Variants in ITGA9 observed in about 807,000 individuals in gnomAD.
ITGA9 encodes integrin alpha-9.
ITGA9 carries 56 observed loss-of-function variants against 127.8 expected under a neutral mutation model. That is an observed-to-expected ratio of 0.44 (90% confidence interval 0.35 to 0.55). The LOEUF (loss-of-function observed/expected upper bound fraction) is 0.55. Ranked by LOEUF, ITGA9 falls within the 20% of genes least tolerant of loss-of-function variation. The pLI, the probability that ITGA9 is intolerant of heterozygous loss-of-function variation, is 0.00. For synonymous variants in ITGA9, 508 were observed against 514.5 expected (o/e 0.99, Z 0.17); for missense variants, 1,196 against 1,347.1 (o/e 0.89, Z 1.76).
intron 3 of ITGA9, among the ~76,000 whole-genome samples, chr3:37,480,573 T>C (rs1698542493): frequency 6.6e-6 from 1 of 152,236 alleles, no homozygotes; most frequent in Admixed American, 6.5e-5. Context: ...GACATGAGTG[T>C]GTACATTTGT....
intron 1 of ITGA9, among the ~76,000 whole-genome samples, chr3:37,455,250 A>G (rs1163456008): frequency 1.3e-5 from 2 of 152,148 alleles, no homozygotes; most frequent in Non-Finnish European, 2.9e-5. Context: ...GTCATTTTCA[A>G]TTATTCGTGA....
chr3:37,643,433 A>G (rs989241634), intron 16 of ITGA9, among the ~76,000 whole-genome samples: 2 of 152,206 alleles, frequency 1.3e-5, no homozygotes, highest in Non-Finnish European at 2.9e-5. Context: ...GAGGGGACTC[A>G]TCAAAGGTTA....
intron 1 of ITGA9, among the ~76,000 whole-genome samples, chr3:37,456,995 C>T (rs757197953): frequency 5.3e-5 from 8 of 152,044 alleles, no homozygotes; most frequent in East Asian, 3.9e-4. Context: ...TTCATCATCA[C>T]GGAAAGTTCT....
At position 37,818,995 on chromosome 3, in the gene ITGA9, C is replaced by T. The variant is rs1298873666; in HGVS notation, c.*6C>T. 2 of 1,569,016 alleles carry T rather than the reference C, an allele frequency of 1.3e-6. No individual in the cohort carries two copies. Among genetic ancestry groups the T allele is most frequent in the South Asian group, 1.1e-5 (1 of 90,078 alleles). On this transcript the variant is annotated 3_prime_UTR_variant, in exon 28 of 28. Coordinates refer to ENST00000264741, the MANE Select transcript of ITGA9 (RefSeq NM_002207.3). The stretch of plus-strand genomic sequence containing the variant: ...GGGTCCAGAAAAACCAGTGAGCTGC[C>T]ACACCAGTCACATGACCTGATCACT...
chr3:37,548,417 G>A (rs979187155), intron 15 of ITGA9, among the ~76,000 whole-genome samples: 2 of 152,142 alleles, frequency 1.3e-5, no homozygotes, highest in African/African-American at 4.8e-5. Context: ...ACTTAACAGA[G>A]TGCACACCTA....
At chr3:37,608,213 T>C (rs569472429) in intron 15 of ITGA9, among the ~76,000 whole-genome samples, 49 of 152,344 alleles carry the variant, frequency 3.2e-4, no homozygotes, top group Non-Finnish European at 5.7e-4. Context: ...TTAGGGAAGA[T>C]AGTGACTTAT....
At chr3:37,627,484 A>G (rs779428638) in intron 15 of ITGA9, among the ~76,000 whole-genome samples, 3 of 152,126 alleles carry the variant, frequency 2.0e-5, no homozygotes, top group Non-Finnish European at 2.9e-5. Flanking sequence ...GAAGAAACAC[A>G]AGCTTCTGTG....
At chr3:37,546,020 A>T (rs1354535770) in intron 15 of ITGA9, among the ~76,000 whole-genome samples, 3 of 151,882 alleles carry the variant, frequency 2.0e-5, no homozygotes, top group Non-Finnish European at 4.4e-5. Flanking sequence ...TTGGTCTTAA[A>T]CTCATACTGC....
At position 37,533,445 on chromosome 3, in the gene ITGA9, G is replaced by T; in HGVS notation, c.1505G>T (p.Gly502Val). 6.2e-7 allele frequency: 1 copy of T among 1,614,124 alleles called. No homozygotes were observed. Among genetic ancestry groups the T allele is most frequent in the Non-Finnish European group, 8.5e-7 (1 of 1,180,032 alleles). Residue 502 changes from glycine (G) to valine (V), a missense_variant, in exon 14 of 28, where the codon GGC becomes GTC. By Grantham distance (109) the Gly-to-Val change is moderately radical. Coordinates refer to ENST00000264741, the MANE Select transcript of ITGA9 (RefSeq NM_002207.3). ...LNVTTCFSFHGKHVPGEIGLN... is the reference protein window; with the variant it reads ...LNVTTCFSFHVKHVPGEIGLN... ...GTCACCACCTGCTTCAGCTTCCATG[G>T]CAAACACGTTCCAGGAGAGATTGGT...
chr3:37,789,531 G>C (rs1202148359), intron 26 of ITGA9, among the ~76,000 whole-genome samples: 1 of 151,842 alleles, frequency 6.6e-6, no homozygotes, highest in Non-Finnish European at 1.5e-5. Flanking sequence ...AGGCCAAGGC[G>C]GGTGGACCAC....
intron 15 of ITGA9, among the ~76,000 whole-genome samples, chr3:37,627,116 C>T (rs1700183105): frequency 6.6e-6 from 1 of 152,210 alleles, no homozygotes; most frequent in South Asian, 2.1e-4. Flanking sequence ...GAGGCGTTTT[C>T]TGGAAACAAT....
chr3:37,475,782 G>C (rs1698487716), intron 3 of ITGA9, among the ~76,000 whole-genome samples: 1 of 152,192 alleles, frequency 6.6e-6, no homozygotes, highest in African/African-American at 2.4e-5. Flanking sequence ...TACAGTAGTG[G>C]TAAATGTATG....
At chr3:37,540,170 CG>C (rs1236536154) in intron 14 of ITGA9, among the ~76,000 whole-genome samples, 1 of 152,172 alleles carries the variant, frequency 6.6e-6, no homozygotes, top group Non-Finnish European at 1.5e-5. Context: ...AGTCCAGTCT[CG>C]CTGTTCTCTC....
At chr3:37,472,969 T>G (rs1275689782) in intron 2 of ITGA9, among the ~76,000 whole-genome samples, 2 of 150,624 alleles carry the variant, frequency 1.3e-5, no homozygotes, top group Non-Finnish European at 3.0e-5. Context: ...TGAAAACCCA[T>G]CTCTGCTAAA....
chr3:37,688,125 C>T (rs1002054497), intron 18 of ITGA9, among the ~76,000 whole-genome samples: 8 of 152,192 alleles, frequency 5.3e-5, no homozygotes, highest in African/African-American at 1.7e-4. Flanking sequence ...AGTAGGTCCA[C>T]ACTGCCTGGG....
intron 15 of ITGA9, among the ~76,000 whole-genome samples, chr3:37,589,973 A>G (rs1699798971): frequency 6.6e-6 from 1 of 152,032 alleles, no homozygotes. Context: ...CCCCAGGCTC[A>G]CTGCCCCCAT....
intron 23 of ITGA9, among the ~76,000 whole-genome samples, chr3:37,770,767 G>A (rs561787876): frequency 8.5e-5 from 13 of 152,284 alleles, no homozygotes; most frequent in East Asian, 7.7e-4. Context: ...GCCTGGCACC[G>A]TGGTGGCTTC....
At chr3:37,749,184 A>G (rs1696549479) in intron 22 of ITGA9, 4 of 196,222 alleles carry the variant, frequency 2.0e-5, no homozygotes, top group Non-Finnish European at 2.0e-5. Context: ...GCCAGCCTCT[A>G]AGGGCTGCCT....
intron 17 of ITGA9, among the ~76,000 whole-genome samples, chr3:37,668,342 TTTGGGCAGTGTTTTCC>T (rs1700605216): frequency 6.6e-6 from 1 of 152,168 alleles, no homozygotes; most frequent in Non-Finnish European, 1.5e-5. Context: ...ATAAAATTTT[TTTGGGCAGTGTTTTCC>T]TTGGCTTCCA....
Sources: gnomAD v4.1 joint callset for allele counts (sites outside exome capture counted in the v4.1 genomes callset) on GRCh38, gnomAD v4.1.1 for gene constraint, MANE v1.5 for transcripts, NCBI Gene and HGNC (gene_info 2026-07-23, HGNC 2026-07-21) for gene names.